Variants in TMEM132D observed in about 807,000 individuals in gnomAD.
TMEM132D encodes mature OL transmembrane protein.
Under a neutral mutation model 62.3 loss-of-function variants are expected in TMEM132D, and 21 were observed. The observed-to-expected ratio is 0.34, with a 90% CI of 0.24 to 0.49. The LOEUF (loss-of-function observed/expected upper bound fraction) is 0.49, where lower values mean the gene tolerates loss of function less well. TMEM132D is among the 20% of genes least tolerant of loss of function. The probability of loss-of-function intolerance (pLI) is 0.99; values close to 1 mark genes in which losing one functional copy is unlikely to be tolerated. For missense variants in TMEM132D, 1,346 were observed against 1,402.8 expected, an observed-to-expected ratio of 0.96 and a Z score of 0.65; for synonymous variants, 621 against 575.6, an observed-to-expected ratio of 1.08 and a Z score of -1.13.
chr12:129,800,580 G>A (rs1225229001), intron 1 of TMEM132D, among the ~76,000 whole-genome samples: 1 of 152,094 alleles, frequency 6.6e-6, no homozygotes, highest in Non-Finnish European at 1.5e-5. Context: ...TAATAGGTGG[G>A]TACCCCTTGT....
chr12:129,466,334 G>C (rs536791834), intron 3 of TMEM132D, among the ~76,000 whole-genome samples: 2 of 118,356 alleles, frequency 1.7e-5, no homozygotes, highest in Non-Finnish European at 3.3e-5. Flanking sequence ...TAGAGATGTG[G>C]TCTCACTCTG....
At chr12:129,343,912 G>C (rs1416122525) in intron 3 of TMEM132D, among the ~76,000 whole-genome samples, 1 of 152,184 alleles carries the variant, frequency 6.6e-6, no homozygotes, top group Non-Finnish European at 1.5e-5. Flanking sequence ...ACTCCAACCT[G>C]GGTGACAGAG....
At chr12:129,368,763 C>T (rs1317231591) in intron 3 of TMEM132D, among the ~76,000 whole-genome samples, 2 of 149,150 alleles carry the variant, frequency 1.3e-5, no homozygotes, top group African/African-American at 4.9e-5. Context: ...GTCAACCTTT[C>T]CACCAAAAAA....
intron 4 of TMEM132D, among the ~76,000 whole-genome samples, chr12:129,302,973 A>G (rs56268877): frequency 0.53 from 79,941 of 152,040 alleles, 21,595 homozygotes; most frequent in Non-Finnish European, 0.56. Context: ...CTCCAAAGGC[A>G]GAAGAACCAA....
intron 2 of TMEM132D, among the ~76,000 whole-genome samples, chr12:129,587,255 T>C (rs1211592415): frequency 2.6e-5 from 4 of 152,118 alleles, no homozygotes; most frequent in African/African-American, 7.2e-5. Flanking sequence ...TGGATGGAGA[T>C]AGAGGCCATT....
At chr12:129,572,717 G>T (rs936557204) in intron 2 of TMEM132D, among the ~76,000 whole-genome samples, 4 of 152,052 alleles carry the variant, frequency 2.6e-5, no homozygotes, top group African/African-American at 7.2e-5. Flanking sequence ...CCAAAGTGCT[G>T]GGATTACAAG....
chr12:129,413,223 T>G (rs1036770157), intron 3 of TMEM132D, among the ~76,000 whole-genome samples: 1 of 152,162 alleles, frequency 6.6e-6, no homozygotes, highest in Non-Finnish European at 1.5e-5. Flanking sequence ...TGGGAGATAA[T>G]TGAATCATGG....
At chr12:129,514,279 C>G (rs1228339813) in intron 3 of TMEM132D, among the ~76,000 whole-genome samples, 2 of 152,214 alleles carry the variant, frequency 1.3e-5, no homozygotes, top group Admixed American at 1.3e-4. Flanking sequence ...TCCATTACAT[C>G]TTTTTCTTCA....
At chr12:129,363,645 A>G (rs981466658) in intron 3 of TMEM132D, among the ~76,000 whole-genome samples, 24 of 152,222 alleles carry the variant, frequency 1.6e-4, no homozygotes, top group African/African-American at 5.5e-4. Context: ...TAGCTGTTAA[A>G]TTCCCAAGTG....
At position 129,074,556 on chromosome 12, in the gene TMEM132D, A is replaced by G. The variant is rs1424684543; in HGVS notation, c.2619T>C (p.Asp873=). The G allele has an allele frequency of 6.2e-7, 1 of 1,614,060 alleles. No individual in the cohort carries two copies. The highest frequency in any genetic ancestry group is 8.5e-7 in the Non-Finnish European group (1 of 1,180,018). The change falls in exon 9 of 9, where the codon GAT becomes GAC. Residue 873 remains aspartate, a synonymous_variant. Coordinates refer to ENST00000422113, the MANE Select transcript of TMEM132D (RefSeq NM_133448.3). ...QKKKGQESLL[D]DNSHLQTIPS... is the part of the protein sequence containing the mutation. Reference sequence around the variant, plus strand: ...GGATGGTCTGCAAGTGGCTGTTGTCATCTAAAAGGCTTTCCTGGCCTTTCT... The same window carrying G: ...GGATGGTCTGCAAGTGGCTGTTGTCGTCTAAAAGGCTTTCCTGGCCTTTCT...
At chr12:129,586,519 C>T (rs1261173235) in intron 2 of TMEM132D, among the ~76,000 whole-genome samples, 1 of 152,116 alleles carries the variant, frequency 6.6e-6, no homozygotes, top group African/African-American at 2.4e-5. Flanking sequence ...AGGGTGCCAG[C>T]GTGGTCGGGT....
At chr12:129,373,473 A>T (rs1224484163) in intron 3 of TMEM132D, among the ~76,000 whole-genome samples, 1 of 152,016 alleles carries the variant, frequency 6.6e-6, no homozygotes, top group Admixed American at 6.6e-5. Flanking sequence ...TCTACTAAAA[A>T]TACAAAAAAT....
At chr12:129,344,708 G>A (rs1454343961) in intron 3 of TMEM132D, among the ~76,000 whole-genome samples, 1 of 152,082 alleles carries the variant, frequency 6.6e-6, no homozygotes, top group Non-Finnish European at 1.5e-5. Flanking sequence ...TTCTCTTGCT[G>A]CATGAATCAA....
intron 1 of TMEM132D, among the ~76,000 whole-genome samples, chr12:129,887,703 A>G (rs943395618): frequency 8.5e-5 from 13 of 152,202 alleles, no homozygotes; most frequent in Middle Eastern, 3.2e-3. Flanking sequence ...AAAATGTGAC[A>G]TTGGGTCCAA....
At chr12:129,610,479 T>C (rs576055080) in intron 2 of TMEM132D, among the ~76,000 whole-genome samples, 3 of 152,304 alleles carry the variant, frequency 2.0e-5, no homozygotes, top group Non-Finnish European at 2.9e-5. Context: ...TCTACTTTCA[T>C]CTTGATCACC....
intron 1 of TMEM132D, among the ~76,000 whole-genome samples, chr12:129,787,157 AATGT>A (rs1182521268): frequency 6.6e-6 from 1 of 152,134 alleles, no homozygotes; most frequent in Non-Finnish European, 1.5e-5. Context: ...CCCCTGCCAA[AATGT>A]GAACCATGCT....
At chr12:129,194,814 A>G (rs1166024661) in intron 5 of TMEM132D, among the ~76,000 whole-genome samples, 1 of 152,134 alleles carries the variant, frequency 6.6e-6, no homozygotes, top group Admixed American at 6.5e-5. Flanking sequence ...AGTTGTTTCT[A>G]TGTTTTTTTC....
chr12:129,835,408 A>G (rs574898120), intron 1 of TMEM132D, among the ~76,000 whole-genome samples: 15 of 152,216 alleles, frequency 9.9e-5, no homozygotes, highest in Admixed American at 5.9e-4. Context: ...CTCCTGCCTC[A>G]GCCCCTCAAG....
intron 1 of TMEM132D, among the ~76,000 whole-genome samples, chr12:129,767,256 C>T (rs1210933735): frequency 2.0e-5 from 3 of 152,190 alleles, no homozygotes; most frequent in Admixed American, 6.5e-5. Context: ...TGAGGGTTCC[C>T]ATGTACCTGT....
Sources: gnomAD v4.1 joint callset for allele counts (sites outside exome capture counted in the v4.1 genomes callset) on GRCh38, gnomAD v4.1.1 for gene constraint, MANE v1.5 for transcripts, NCBI Gene and HGNC (gene_info 2026-07-23, HGNC 2026-07-21) for gene names.